Variants in IFNAR1 observed in about 807,000 individuals in gnomAD.
IFNAR1 encodes interferon alpha/beta receptor 1.
IFNAR1 carries 47 observed loss-of-function variants against 62.1 expected under a neutral mutation model. The ratio of observed to expected loss-of-function variants is 0.76; its 90% CI spans 0.60 to 0.97. The LOEUF (loss-of-function observed/expected upper bound fraction) is 0.97, where lower values mean the gene tolerates loss of function less well. Ranked by LOEUF, IFNAR1 falls within the 50% of genes least tolerant of loss-of-function variation. The pLI is 0.00. For missense variants in IFNAR1, 638 were observed against 654.5 expected (o/e 0.97, Z 0.27); for synonymous variants, 219 against 226.9 (o/e 0.97, Z 0.31).
At chr21:33,347,383 G>A (rs935690981) in intron 6 of IFNAR1, among the ~76,000 whole-genome samples, 1 of 152,164 alleles carries the variant, frequency 6.6e-6, no homozygotes, top group Non-Finnish European at 1.5e-5. Flanking sequence ...ACCCGCCTCA[G>A]CCTCCCAAAG....
rs962160325 is a variant in IFNAR1 at position 33,325,012 on chromosome 21, G to C, written c.-44G>C. On this transcript the variant is annotated 5_prime_UTR_variant, in exon 1 of 11. Transcript: ENST00000270139. Reference sequence around the variant, plus strand: ...GGCGATGGCGGCTGAGAGGAGCTGCGCGTGCGCGAACATGTAACTGGTGGG... The same window carrying C: ...GGCGATGGCGGCTGAGAGGAGCTGCCCGTGCGCGAACATGTAACTGGTGGG... 1 of 1,538,706 alleles carries C rather than the reference G, an allele frequency of 6.5e-7. No homozygotes were observed. The highest frequency in any genetic ancestry group is 1.4e-5 in the African/African-American group (1 of 73,350).
chr21:33,335,968 A>G (rs2083230615), intron 2 of IFNAR1, among the ~76,000 whole-genome samples: 1 of 147,684 alleles, frequency 6.8e-6, no homozygotes, highest in African/African-American at 2.5e-5. Flanking sequence ...ACATGTGCAC[A>G]ATGTGCAGGT....
chr21:33,343,154 T>C (rs1278053416), intron 3 of IFNAR1, 114 bp from the exon 4 acceptor site: 2 of 794,270 alleles, frequency 2.5e-6, no homozygotes, highest in Admixed American at 4.9e-5. Flanking sequence ...ATCTGTATGC[T>C]CTTAACTCCC....
At chr21:33,325,558 C>T (rs981100471) in intron 1 of IFNAR1, among the ~76,000 whole-genome samples, 5 of 152,120 alleles carry the variant, frequency 3.3e-5, no homozygotes, top group Non-Finnish European at 7.4e-5. Context: ...ATTTCTCTGC[C>T]CTCAGGATTC....
At chr21:33,354,595 C>G (rs1250919186) in intron 10 of IFNAR1, among the ~76,000 whole-genome samples, 1 of 152,090 alleles carries the variant, frequency 6.6e-6, no homozygotes, top group African/African-American at 2.4e-5. Flanking sequence ...TTTGGCACTT[C>G]TATGAAGCTA....
intron 1 of IFNAR1, among the ~76,000 whole-genome samples, chr21:33,329,997 G>A (rs778978522): frequency 3.3e-5 from 5 of 152,198 alleles, no homozygotes; most frequent in Non-Finnish European, 7.3e-5. Flanking sequence ...GGAGTCTATT[G>A]CAGGCTTGCA....
intron 1 of IFNAR1, among the ~76,000 whole-genome samples, chr21:33,331,036 C>T (rs992808827): frequency 3.3e-5 from 5 of 152,212 alleles, no homozygotes; most frequent in African/African-American, 1.2e-4. Context: ...TGGAGTGTGT[C>T]TTGCTTCGGG....
rs1199630462 is a variant in IFNAR1 at position 33,351,532 on chromosome 21, T to TTTTTA, written c.1144-1206_1144-1202dup. Among the ~76,000 whole-genome samples, 16 of 151,362 alleles carry TTTTTA rather than the reference T, an allele frequency of 1.1e-4. No individual in the cohort carries two copies. In the East Asian group the frequency reaches 2.0e-3, roughly 18 times the overall value. On this transcript the variant is annotated intron_variant, in intron 8 of 10. Coordinates refer to ENST00000270139, the MANE Select transcript of IFNAR1 (RefSeq NM_000629.3). Reference sequence around the variant, plus strand: ...TTAAGGCAGTTTTGTTATCTATATTTTTTTATTTTATTTTATTTTATTTTT... The same window carrying TTTTTA: ...TTAAGGCAGTTTTGTTATCTATATTTTTTTATTTTATTTTATTTTATTTTATTTTT...
At chr21:33,346,374 A>C (rs1245080803) in intron 6 of IFNAR1, among the ~76,000 whole-genome samples, 2 of 152,194 alleles carry the variant, frequency 1.3e-5, no homozygotes, top group African/African-American at 4.8e-5. Flanking sequence ...TACCGCTATG[A>C]TCAATTTCTA....
At position 33,333,622 on chromosome 21, in the gene IFNAR1, TTTTC is replaced by T. The variant is rs1336472097; in HGVS notation, c.77-1898_77-1895del. Among the ~76,000 whole-genome samples, 10 of 132,552 alleles carry T rather than the reference TTTTC, an allele frequency of 7.5e-5. 1 individual carries two copies. Among genetic ancestry groups the T allele is most frequent in the African/African-American group, 2.3e-4 (7 of 30,990 alleles). The allele number at this position is 132,552 out of a possible 152,430, so 87.0% of individuals were successfully genotyped here. A position where few individuals can be genotyped will look rare whatever the true frequency, so the allele number is the denominator to read the frequency against. ...AAAGAGACTGGCGGAATATTTTTTTTTTTCTTTTTTTTTTTTTTTGAGACGGAGT... is the reference window on the plus strand; with the variant it reads ...AAAGAGACTGGCGGAATATTTTTTTTTTTTTTTTTTTTTTTGAGACGGAGT... On this transcript the variant is annotated intron_variant, in intron 1 of 10. Transcript: ENST00000270139.
At chr21:33,328,277 A>C (rs1330433850) in intron 1 of IFNAR1, among the ~76,000 whole-genome samples, 1 of 152,190 alleles carries the variant, frequency 6.6e-6, no homozygotes, top group African/African-American at 2.4e-5. Context: ...CAGAGAGAAT[A>C]GATTGTAACT....
In IFNAR1 at chr21:33,335,637, G is replaced by A. The variant is rs142438988; in HGVS notation, c.190G>A (p.Asp64Asn). Residue 64 changes from aspartate to asparagine, a missense_variant, in exon 2 of 11, where the codon GAT becomes AAT. Physicochemically the swap from Asp to Asn is conservative, Grantham distance 23. Transcript: ENST00000270139. Reference sequence around the variant, plus strand: ...TGTCGGGAATGTGACTTTTTCATTCGATTATCAAAAGTATGTGACTCTACT... The same window carrying A: ...TGTCGGGAATGTGACTTTTTCATTCAATTATCAAAAGTATGTGACTCTACT... Reference protein sequence around the residue: ...ESVGNVTFSFDYQKTGMDNWI... With the variant: ...ESVGNVTFSFNYQKTGMDNWI... 63 of 1,564,630 alleles carry A rather than the reference G, an allele frequency of 4.0e-5. 1 individual carries two copies. The highest frequency in any genetic ancestry group is 2.6e-4 in the South Asian group (21 of 81,192).
intron 1 of IFNAR1, among the ~76,000 whole-genome samples, chr21:33,326,029 A>G (rs373638406): frequency 2.0e-5 from 3 of 152,216 alleles, no homozygotes; most frequent in East Asian, 1.9e-4. Context: ...TTAACTACCT[A>G]CTTTTTTCCC....
intron 1 of IFNAR1, among the ~76,000 whole-genome samples, chr21:33,326,081 A>G (rs569485901): frequency 6.6e-6 from 1 of 152,316 alleles, no homozygotes; most frequent in East Asian, 1.9e-4. Flanking sequence ...ATGTTATCTC[A>G]ATGAGATTGT....
Position 33,333,775 on chromosome 21 carries a change from T to C in IFNAR1, c.77-1749T>C, listed in dbSNP as rs996314637. Among the ~76,000 whole-genome samples, 4 of 151,852 alleles carry C rather than the reference T, an allele frequency of 2.6e-5. No homozygotes were observed. The East Asian group carries it at 7.8e-4, about 29-fold the overall frequency. On this transcript the variant is annotated intron_variant, in intron 1 of 10. Transcript: ENST00000270139. ...AGTAGCTGGGACTACAGGCGCCCGC[T>C]ACCACGCCCGGCTAATTTTTTGTAT... is the stretch of plus-strand genomic sequence containing the variant.
upstream of IFNAR1, chr21:33,324,785 G>A: frequency 2.0e-6 from 1 of 498,366 alleles, no homozygotes; most frequent in Non-Finnish European, 3.6e-6. Context: ...TAAGGCGCGC[G>A]CGCACAGGGG....
rs2083419868 is a variant in IFNAR1, at chr21:33,353,684, A to G, written c.1341A>G (p.Leu447=). The change falls in exon 10 of 11, where the codon TTA becomes TTG. Residue 447 remains leucine (L), a synonymous_variant. Coordinates refer to ENST00000270139, the MANE Select transcript of IFNAR1 (RefSeq NM_000629.3). ...TTATAGTTGGAATTTGTATTGCATT[A>G]TTTGCTCTCCCGTTTGTCATTTATG... is the stretch of plus-strand genomic sequence containing the variant. ...IWLIVGICIA[L]FALPFVIYAA... 6.3e-7 allele frequency: 1 copy of G among 1,579,070 alleles called. No homozygotes were observed. The highest frequency in any genetic ancestry group is 2.0e-5 in the Admixed American group (1 of 51,112).
chr21:33,349,316 T>C, intron 7 of IFNAR1, 26 bp downstream of exon 7: 1 of 1,571,778 alleles, frequency 6.4e-7, no homozygotes, highest in Non-Finnish European at 8.7e-7. Flanking sequence ...TTACTGGAGA[T>C]TGTAATTCTC....
intron 6 of IFNAR1, among the ~76,000 whole-genome samples, chr21:33,347,778 A>AG (rs1247923125): frequency 2.6e-5 from 4 of 152,152 alleles, no homozygotes; most frequent in Non-Finnish European, 4.4e-5. Context: ...TGTGTACACC[A>AG]GGGGGCAGGA....
Sources: allele counts gnomAD v4.1 joint callset (sites outside exome capture counted in the v4.1 genomes callset), GRCh38; gene constraint gnomAD v4.1.1; transcripts MANE v1.5; gene names NCBI Gene and HGNC (gene_info 2026-07-23, HGNC 2026-07-21).